The following USP43 variants were observed in gnomAD, a reference collection of about 807,000 sequenced individuals.
USP43 encodes the protein ubiquitin specific peptidase 43.
USP43 carries 33 observed loss-of-function variants against 90.7 expected under a neutral mutation model. That is an observed-to-expected ratio of 0.36 (90% CI 0.28 to 0.49). The LOEUF is 0.49. Ranked by LOEUF, USP43 falls within the 20% of genes least tolerant of loss-of-function variation. The probability of loss-of-function intolerance (pLI) is 0.98; values close to 1 mark genes in which losing one functional copy is unlikely to be tolerated. For missense variants in USP43, 1,274 were observed against 1,476.4 expected (o/e 0.86, Z 2.25); for synonymous variants, 598 against 615.8 (o/e 0.97, Z 0.43).
At chr17:9,687,588 G>C (rs1914666567) in intron 8 of USP43, among the ~76,000 whole-genome samples, 1 of 152,110 alleles carries the variant, frequency 6.6e-6, no homozygotes, top group African/African-American at 2.4e-5. Context: ...TCTGATGGTT[G>C]CTTGACACAG....
chr17:9,711,297 T>G (rs1039054836), intron 13 of USP43, among the ~76,000 whole-genome samples: 6 of 152,208 alleles, frequency 3.9e-5, no homozygotes, highest in Non-Finnish European at 8.8e-5. Flanking sequence ...ACTACAGCTC[T>G]GAGTAATACA....
At chr17:9,675,027 C>G (rs1482833779) in intron 4 of USP43, 44 bp downstream of exon 4, 3 of 1,546,088 alleles carry the variant, frequency 1.9e-6, no homozygotes, top group South Asian at 2.2e-5. Flanking sequence ...GACTTCCATC[C>G]TTACTCATTA....
At chr17:9,653,600 A>AAG (rs1451796508) in intron 1 of USP43, among the ~76,000 whole-genome samples, 4 of 152,060 alleles carry the variant, frequency 2.6e-5, no homozygotes, top group Admixed American at 1.3e-4. Context: ...AAAAAGAAAA[A>AAG]AAAAAAAAGT....
chr17:9,686,641 ATGGGATTCTT>A lies in USP43; in HGVS notation c.1242-153_1242-144del, dbSNP rs1425650160. ...ATTCAGACCCTTTGCCCATTTTTAA[ATGGGATTCTT>A]TGGTTTTTTTTGCTGTTGAGTTTTT... On this transcript the variant is annotated intron_variant, in intron 7 of 14. Transcript: ENST00000285199. This position sits in a 1 kb window ranked among gnomAD's most constrained non-coding sequence, Gnocchi z 5.5. 3.9e-5 allele frequency among the ~76,000 whole-genome samples: 6 copies of A among 152,204 alleles called. No homozygotes were observed. In the East Asian group the frequency reaches 1.2e-3, roughly 29 times the overall value.
In USP43 at chr17:9,709,211, T is replaced by C. The variant is rs546927214; in HGVS notation, c.2012-745T>C. On this transcript the variant is annotated intron_variant, in intron 12 of 14. Coordinates refer to ENST00000285199, the MANE Select transcript of USP43 (RefSeq NM_153210.5). This position sits in a 1 kb window ranked among gnomAD's most constrained non-coding sequence, Gnocchi z 5.0. ...AATATTTATGAATTTTCCTTAGACG[T>C]TTGACTTCAGTTCTTAGAAAGAGGT... 6.6e-6 allele frequency among the ~76,000 whole-genome samples: 1 copy of C among 152,292 alleles called. No individual in the cohort carries two copies. The highest frequency in any genetic ancestry group is 2.4e-5 in the African/African-American group (1 of 41,578).
intron 2 of USP43, among the ~76,000 whole-genome samples, chr17:9,659,798 A>T (rs999984093): frequency 6.7e-6 from 1 of 150,134 alleles, no homozygotes; most frequent in African/African-American, 2.5e-5. Flanking sequence ...ACCCAAATCC[A>T]GCAAACTCAA....
intron 14 of USP43, among the ~76,000 whole-genome samples, chr17:9,716,583 G>C (rs141085772): frequency 6.6e-6 from 1 of 152,286 alleles, no homozygotes; most frequent in African/African-American, 2.4e-5. Context: ...TTGAAGAAGA[G>C]GGGGTGCAGG....
Position 9,728,972 on chromosome 17 carries a change from A to G in USP43, c.3354A>G (p.Leu1118=), listed in dbSNP as rs770654468. ...TTTCTTTAGGTCGAAAGAAAACCTT[A>G]CCGGAGTCCAGCTTTTGATGGAGCG... is the stretch of plus-strand genomic sequence containing the variant. ...HTLSLGRKKT[L]PESSF Residue 1118 remains leucine, a synonymous_variant, in exon 15 of 15, where the codon TTA becomes TTG. Coordinates refer to ENST00000285199, the MANE Select transcript of USP43 (RefSeq NM_153210.5). This position sits in a 1 kb window ranked among gnomAD's most constrained non-coding sequence, Gnocchi z 6.2. 86 of 1,572,346 alleles carry G rather than the reference A, an allele frequency of 5.5e-5. No individual in the cohort carries two copies. Among genetic ancestry groups the G allele is most frequent in the Non-Finnish European group, 7.2e-5 (83 of 1,155,192 alleles).
chr17:9,712,116 C>A lies in USP43; in HGVS notation c.2319C>A (p.Leu773=). 6.3e-7 allele frequency: 1 copy of A among 1,594,554 alleles called. No homozygotes were observed. Among genetic ancestry groups the A allele is most frequent in the Non-Finnish European group, 8.5e-7 (1 of 1,170,528 alleles). The part of the protein sequence containing the change: ...VPDSPIFTNS[L]CNQEKGGLEP... The stretch of plus-strand genomic sequence containing the variant: ...ACTCTCCCATCTTCACCAACAGCCT[C>A]TGCAATCAGGAAAAGGGTATGTTGG... Residue 773 remains leucine (L), a synonymous_variant, in exon 14 of 15, where the codon CTC becomes CTA. Transcript: ENST00000285199.
intron 2 of USP43, among the ~76,000 whole-genome samples, chr17:9,665,650 A>G (rs1912992985): frequency 6.6e-6 from 1 of 152,196 alleles, no homozygotes. Context: ...TTATATCATT[A>G]CCTTCTATGG....
intron 12 of USP43, among the ~76,000 whole-genome samples, chr17:9,705,738 A>G (rs1451222218): frequency 6.7e-6 from 1 of 150,034 alleles, no homozygotes; most frequent in African/African-American, 2.4e-5. Flanking sequence ...TGGGTGAGAG[A>G]GTGAGACTCT....
chr17:9,675,573 G>A (rs748728285), intron 4 of USP43, among the ~76,000 whole-genome samples: 1 of 152,114 alleles, frequency 6.6e-6, no homozygotes, highest in Non-Finnish European at 1.5e-5. Context: ...CCTATGTGGG[G>A]TGTCTTCTCT....
chr17:9,718,380 A>G (rs1308757614), intron 14 of USP43, among the ~76,000 whole-genome samples: 1 of 152,204 alleles, frequency 6.6e-6, no homozygotes, highest in Non-Finnish European at 1.5e-5. Flanking sequence ...TCTTAAAGCT[A>G]CAAGTGGTTT....
At chr17:9,716,001 G>A (rs1050169209) in intron 14 of USP43, among the ~76,000 whole-genome samples, 5 of 142,294 alleles carry the variant, frequency 3.5e-5, no homozygotes, top group African/African-American at 1.3e-4. Flanking sequence ...GTATCTGTGT[G>A]TGTGTCTGTG....
rs542263685 is a variant in USP43, at chr17:9,669,378, C to T, written c.740+2627C>T. Among the ~76,000 whole-genome samples, 26 of 152,314 alleles carry T rather than the reference C, an allele frequency of 1.7e-4. No individual in the cohort carries two copies. In the South Asian group the frequency reaches 2.1e-3, roughly 12 times the overall value. ...CTATTTCTCTATTCATTTCCCCTCT[C>T]GTCCACATACTCTTCTTCCTTCTTT... On this transcript the variant is annotated intron_variant, in intron 3 of 14. Coordinates refer to ENST00000285199, the MANE Select transcript of USP43 (RefSeq NM_153210.5).
At chr17:9,707,008 G>A (rs1915923333) in intron 12 of USP43, among the ~76,000 whole-genome samples, 1 of 152,060 alleles carries the variant, frequency 6.6e-6, no homozygotes, top group Non-Finnish European at 1.5e-5. Context: ...CCAACAATTG[G>A]TAACTTTCAA....
intron 8 of USP43, among the ~76,000 whole-genome samples, chr17:9,689,997 C>T (rs1490991802): frequency 2.0e-5 from 3 of 152,092 alleles, no homozygotes; most frequent in Non-Finnish European, 4.4e-5. Context: ...TTGTTGAAGC[C>T]GTAGACGAAC....
intron 3 of USP43, among the ~76,000 whole-genome samples, chr17:9,672,504 C>T (rs773374401): frequency 6.6e-6 from 1 of 152,204 alleles, no homozygotes; most frequent in Non-Finnish European, 1.5e-5. Context: ...AAAACATTCT[C>T]TCTCATTGGT....
rs1567656363 is a variant in USP43 at position 9,674,128 on chromosome 17, G to T, written c.741-763G>T. Among the ~76,000 whole-genome samples the T allele has an allele frequency of 6.6e-6, 1 of 152,142 alleles. No individual in the cohort carries two copies. The highest frequency in any genetic ancestry group is 1.5e-5 in the Non-Finnish European group (1 of 68,028). On this transcript the variant is annotated intron_variant, in intron 3 of 14. Coordinates refer to ENST00000285199, the MANE Select transcript of USP43 (RefSeq NM_153210.5). The surrounding 1 kb of genome is among the most constrained non-coding windows in gnomAD (Gnocchi z 4.4). ...TTCTGGGGCACAGTGAGGCTGAGAA[G>T]CAGGGGAAGAGATGGTCCTGAGATC...
Sources: gnomAD v4.1 joint callset for allele counts (sites outside exome capture counted in the v4.1 genomes callset) on GRCh38, gnomAD v4.1.1 for gene constraint, Gnocchi (gnomAD v3.1) non-coding constraint, MANE v1.5 for transcripts, NCBI Gene and HGNC (gene_info 2026-07-23, HGNC 2026-07-21) for gene names.